DNAJC7: variants seen among roughly 807,000 people sequenced by gnomAD.
DNAJC7 encodes the protein DnaJ heat shock protein family (Hsp40) member C7.
Under a neutral mutation model 67.4 loss-of-function variants are expected in DNAJC7, and 18 were observed. The observed-to-expected ratio is 0.27, with a 90% CI of 0.18 to 0.40. The LOEUF is 0.40. Ranked by LOEUF, DNAJC7 falls within the 10% of genes least tolerant of loss-of-function variation. The pLI is 1.00. For synonymous variants in DNAJC7, 220 were observed against 207.8 expected (o/e 1.06, Z -0.50); for missense variants, 419 against 613.8 (o/e 0.68, Z 3.35).
chr17:42,015,655 T>TA (rs1218719348), intron 1 of DNAJC7: 1 of 149,854 alleles, frequency 6.7e-6, no homozygotes, highest in African/African-American at 2.5e-5. Flanking sequence ...CCATCGTGGC[T>TA]AACAGGGTGA....
chr17:41,995,048 C>T, intron 4 of DNAJC7, 104 bp from the exon 5 acceptor site: 2 of 930,264 alleles, frequency 2.1e-6, no homozygotes, highest in Non-Finnish European at 3.5e-6. Flanking sequence ...AGTAAATATA[C>T]CACACTGCCT....
intron 9 of DNAJC7, chr17:41,986,054 A>AAAAAAAAAAAAAG: frequency 7.4e-6 from 1 of 134,230 alleles, no homozygotes; most frequent in Admixed American, 7.9e-5. Context: ...GCTTAAAAAA[A>AAAAAAAAAAAAAG]AAAAAAAAAA....
At chr17:41,993,995 A>G (rs1177655417) in intron 5 of DNAJC7, among the ~76,000 whole-genome samples, 2 of 149,030 alleles carry the variant, frequency 1.3e-5, no homozygotes, top group Non-Finnish European at 3.0e-5. Context: ...GTGAGCCGAG[A>G]TCACGCCACT....
chr17:42,004,767 A>G (rs1555649934), intron 1 of DNAJC7, among the ~76,000 whole-genome samples: 1 of 152,224 alleles, frequency 6.6e-6, no homozygotes, highest in African/African-American at 2.4e-5. Flanking sequence ...CACGCCTGTA[A>G]TCCCAGCACT....
At position 41,994,625 on chromosome 17, in the gene DNAJC7, A is replaced by T. The variant is rs140057154; in HGVS notation, c.480+245T>A. The stretch of plus-strand genomic sequence containing the variant: ...CACTATTAGACCAGTGCTTTACATC[A>T]ACAATAGAAACAAACTCAAGTGGCA... On this transcript the variant is annotated intron_variant, in intron 5 of 13. Transcript: ENST00000457167. Among the ~76,000 whole-genome samples the T allele has an allele frequency of 2.0e-5, 3 of 152,220 alleles. No homozygotes were observed. In the East Asian group the frequency reaches 5.8e-4, roughly 29 times the overall value.
chr17:41,978,875 G>A (rs782557859), intron 12 of DNAJC7, among the ~76,000 whole-genome samples: 17 of 152,156 alleles, frequency 1.1e-4, no homozygotes, highest in South Asian at 6.2e-4. Context: ...GTGAGACTCC[G>A]TCTCAAAACA....
At chr17:42,004,542 A>G (rs2051895161) in intron 1 of DNAJC7, among the ~76,000 whole-genome samples, 1 of 152,160 alleles carries the variant, frequency 6.6e-6, no homozygotes, top group African/African-American at 2.4e-5. Context: ...CAGTCTTTTC[A>G]TTTTAACTGA....
chr17:41,989,422 C>T lies in DNAJC7; in HGVS notation c.735G>A (p.Lys245=). 2.5e-6 allele frequency: 4 copies of T among 1,614,024 alleles called. No individual in the cohort carries two copies. Among genetic ancestry groups the T allele is most frequent in the Non-Finnish European group, 3.4e-6 (4 of 1,179,898 alleles). Residue 245 remains lysine, a synonymous_variant, in exon 7 of 14, where the codon AAG becomes AAA. Coordinates refer to ENST00000457167, the MANE Select transcript of DNAJC7 (RefSeq NM_003315.4). Reference sequence around the variant, plus strand: ...AACTTACTCTGCAGGCAATGCAGGCCTTCTCGTGGTCAGGAGCCATCCTGA... The same window carrying T: ...AACTTACTCTGCAGGCAATGCAGGCTTTCTCGTGGTCAGGAGCCATCCTGA... The part of the protein sequence containing the change: ...QALRMAPDHE[K]ACIACRNAKA...
At chr17:41,996,222 G>T in intron 4 of DNAJC7, 89 bp downstream of exon 4, 1 of 1,303,290 alleles carries the variant, frequency 7.7e-7, no homozygotes, top group Non-Finnish European at 1.1e-6. Flanking sequence ...GCAGAAGTGA[G>T]ACTAGACCTC....
In DNAJC7 at chr17:41,977,568, C is replaced by T. The variant is rs571843056; in HGVS notation, c.1385-245G>A. Reference sequence around the variant, plus strand: ...CAACTGCTGCCCCAAAGGAAGCTTTCTCTGCTTCAGCTTGCTTCATTGGGC... The same window carrying T: ...CAACTGCTGCCCCAAAGGAAGCTTTTTCTGCTTCAGCTTGCTTCATTGGGC... On this transcript the variant is annotated intron_variant, in intron 12 of 13. Transcript: ENST00000457167. The T allele has an allele frequency of 7.7e-6, 3 of 390,572 alleles. No individual in the cohort carries two copies. The Admixed American group carries it at 1.3e-4, about 16-fold the overall frequency. 24.2% of individuals were successfully genotyped at this position (390,572 alleles called of 1,614,324 possible).
chr17:42,000,449 T>C, intron 2 of DNAJC7, 33 bp downstream of exon 2: 1 of 1,518,372 alleles, frequency 6.6e-7, no homozygotes, highest in Non-Finnish European at 9.0e-7. Flanking sequence ...GGCAAGTAAA[T>C]GTTTTCTAGC....
intron 1 of DNAJC7, among the ~76,000 whole-genome samples, chr17:42,010,806 G>GTT (rs1330504722): frequency 6.6e-6 from 1 of 152,142 alleles, no homozygotes; most frequent in East Asian, 1.9e-4. Context: ...CACACAAATT[G>GTT]TAAGTCACAT....
chr17:41,978,250 C>T (rs2051143019), intron 12 of DNAJC7, among the ~76,000 whole-genome samples: 1 of 152,128 alleles, frequency 6.6e-6, no homozygotes, highest in Admixed American at 6.5e-5. Flanking sequence ...GAAGGACTGA[C>T]CCCCACCAGG....
intron 3 of DNAJC7, among the ~76,000 whole-genome samples, chr17:41,996,666 G>C (rs569191764): frequency 1.3e-5 from 2 of 152,198 alleles, no homozygotes; most frequent in Non-Finnish European, 1.5e-5. Context: ...AATTAGCCGG[G>C]TGTGGTGGCA....
At chr17:41,995,321 A>G (rs985419168) in intron 4 of DNAJC7, among the ~76,000 whole-genome samples, 6 of 152,248 alleles carry the variant, frequency 3.9e-5, no homozygotes, top group African/African-American at 1.4e-4. Context: ...CTCAGTTTGA[A>G]CTTCAAGTCA....
At chr17:42,016,239 T>C (rs2052281392) in intron 1 of DNAJC7, 1 of 152,172 alleles carries the variant, frequency 6.6e-6, no homozygotes, top group South Asian at 2.1e-4. Flanking sequence ...GAGTACTTCT[T>C]ATATTTCGAA....
At chr17:42,006,249 G>A (rs2051950653) in intron 1 of DNAJC7, among the ~76,000 whole-genome samples, 1 of 151,026 alleles carries the variant, frequency 6.6e-6, no homozygotes, top group Admixed American at 6.6e-5. Flanking sequence ...CACGTCCTGG[G>A]TTCAAGCAAT....
At chr17:41,988,584 CT>C in intron 8 of DNAJC7, 147 bp downstream of exon 8, 1 of 969,026 alleles carries the variant, frequency 1.0e-6, no homozygotes, top group Non-Finnish European at 1.5e-6. Flanking sequence ...AAAAGCTTGC[CT>C]CTTGGAAGGG....
intron 1 of DNAJC7, among the ~76,000 whole-genome samples, chr17:42,010,142 C>CAAAG (rs371872389): frequency 0.02 from 2,945 of 150,512 alleles, 59 homozygotes; most frequent in South Asian, 0.059. Flanking sequence ...GACTCCATCA[C>CAAAG]AAAGAAAGAA....
Sources: allele counts gnomAD v4.1 joint callset (sites outside exome capture counted in the v4.1 genomes callset), GRCh38; gene constraint gnomAD v4.1.1; transcripts MANE v1.5; gene names NCBI Gene and HGNC (gene_info 2026-07-23, HGNC 2026-07-21).